CNP: variants seen among roughly 807,000 people sequenced by gnomAD.
The protein encoded by CNP is 2',3'-cyclic-nucleotide 3'-phosphodiesterase.
In CNP, 8 loss-of-function variants were observed where a neutral mutation model predicts 37.9. The ratio of observed to expected loss-of-function variants is 0.21; its 90% confidence interval spans 0.12 to 0.38. CNP has a LOEUF of 0.38. CNP is among the 10% of genes least tolerant of loss of function. The probability of loss-of-function intolerance (pLI) is 1.00; values close to 1 mark genes in which losing one functional copy is unlikely to be tolerated. For synonymous variants in CNP, 237 were observed against 238.3 expected (o/e 0.99, Z 0.05); for missense variants, 457 against 551.0 (o/e 0.83, Z 1.71).
chr17:41,969,291 T>A (rs1176823173), intron 2 of CNP, among the ~76,000 whole-genome samples: 1 of 152,180 alleles, frequency 6.6e-6, no homozygotes, highest in Non-Finnish European at 1.5e-5. Context: ...CATCTGCAGC[T>A]CCAGAGGACA....
In CNP at chr17:41,968,853, G is replaced by A; in HGVS notation, c.676+113G>A. 1 of 1,274,674 alleles carries A rather than the reference G, an allele frequency of 7.8e-7. No homozygotes were observed. The highest frequency in any genetic ancestry group is 1.1e-6 in the Non-Finnish European group (1 of 944,404). 79.0% of individuals were successfully genotyped at this position (1,274,674 alleles called of 1,614,324 possible). ...AGCACGAAGCAGCAGGAGGCAGAGA[G>A]AGGCTCACCTCAGCGGGGGCAGGGG... On this transcript the variant is annotated intron_variant, in intron 2 of 3. Coordinates refer to ENST00000393892, the MANE Select transcript of CNP (RefSeq NM_033133.5). This position sits in a 1 kb window ranked among gnomAD's most constrained non-coding sequence, Gnocchi z 4.8.
rs1005384414 is a variant in CNP at position 41,977,012 on chromosome 17, G to C, written c.*3088G>C. ...ACCTTTGCTCTTGCAGAGAAGCCTT[G>C]GTACTAGGCAGTTAGAGATGCCTCC... is the stretch of plus-strand genomic sequence containing the variant. On this transcript the variant is annotated 3_prime_UTR_variant, in exon 4 of 4. Coordinates refer to ENST00000393892, the MANE Select transcript of CNP (RefSeq NM_033133.5). 1 of 640,424 alleles carries C rather than the reference G, an allele frequency of 1.6e-6. No individual in the cohort carries two copies. The highest frequency in any genetic ancestry group is 3.0e-5 in the Admixed American group (1 of 33,860). The allele number at this position is 640,424 out of a possible 1,614,324, so 39.7% of individuals were successfully genotyped here. A position where few individuals can be genotyped will look rare whatever the true frequency, so the allele number is the denominator to read the frequency against.
At position 41,968,927 on chromosome 17, in the gene CNP, G is replaced by C. The variant is rs1406986730; in HGVS notation, c.676+187G>C. On this transcript the variant is annotated intron_variant, in intron 2 of 3. Coordinates refer to ENST00000393892, the MANE Select transcript of CNP (RefSeq NM_033133.5). This position sits in a 1 kb window ranked among gnomAD's most constrained non-coding sequence, Gnocchi z 4.8. ...CCTTGGGGAGTTGGCAGCACATTGGGAACACGGGGGCTTCCCAGAGCGCCT... is the reference window on the plus strand; with the variant it reads ...CCTTGGGGAGTTGGCAGCACATTGGCAACACGGGGGCTTCCCAGAGCGCCT... 2.6e-5 allele frequency among the ~76,000 whole-genome samples: 4 copies of C among 152,288 alleles called. 1 individual carries two copies. The South Asian group carries it at 8.3e-4, about 32-fold the overall frequency.
At chr17:41,969,620 ATC>A (rs1555643507) in intron 2 of CNP, among the ~76,000 whole-genome samples, 1 of 152,160 alleles carries the variant, frequency 6.6e-6, no homozygotes, top group South Asian at 2.1e-4. Flanking sequence ...CAGTGGCGCT[ATC>A]TCAGCTCAGT....
At chr17:41,967,004 A>G in intron 1 of CNP, 117 bp downstream of exon 1, 1 of 1,181,592 alleles carries the variant, frequency 8.5e-7, no homozygotes, top group East Asian at 3.2e-5. Flanking sequence ...TTCGACTTCC[A>G]GTTTTCTTGG....
At chr17:41,967,177 C>T (rs1381414347) in intron 1 of CNP, among the ~76,000 whole-genome samples, 15 of 151,058 alleles carry the variant, frequency 9.9e-5, no homozygotes, top group Admixed American at 9.8e-4. Flanking sequence ...AGCCCGGGAG[C>T]TGCTCCCGAC....
intron 1 of CNP, chr17:41,967,602 A>C: frequency 2.1e-5 from 20 of 957,902 alleles, no homozygotes; most frequent in Middle Eastern, 5.3e-4. Context: ...ATGCCAGACA[A>C]GAGAGTATTA....
intron 2 of CNP, among the ~76,000 whole-genome samples, chr17:41,969,250 CG>C (rs1330934973): frequency 2.6e-5 from 4 of 152,118 alleles, no homozygotes; most frequent in African/African-American, 9.7e-5. Context: ...TCTCAGGCCT[CG>C]GACTGCTCAA....
intron 2 of CNP, chr17:41,970,317 G>A (rs1301836025): frequency 6.6e-6 from 1 of 151,676 alleles, no homozygotes; most frequent in African/African-American, 2.4e-5. Flanking sequence ...ATCTTGACCA[G>A]GCTGGTCGGT....
At chr17:41,967,896 C>G in intron 1 of CNP, 172 bp from the exon 2 acceptor site, 1 of 1,434,676 alleles carries the variant, frequency 7.0e-7, no homozygotes, top group Non-Finnish European at 9.1e-7. Flanking sequence ...ACAAGCTTCC[C>G]TCTTCCTCCT....
chr17:41,968,478 C>G lies in CNP; in HGVS notation c.414C>G (p.Ala138=). Residue 138 remains alanine, a synonymous_variant, in exon 2 of 4, where the codon GCC becomes GCG. Coordinates refer to ENST00000393892, the MANE Select transcript of CNP (RefSeq NM_033133.5). This position sits in a 1 kb window ranked among gnomAD's most constrained non-coding sequence, Gnocchi z 4.8. The part of the protein sequence containing the change: ...RERLEQLFEM[A]DQYQYQVVLV... ...GGCTGGAGCAGCTCTTTGAAATGGC[C>G]GACCAGTACCAGTACCAGGTGGTGC... 1.2e-6 allele frequency: 2 copies of G among 1,614,108 alleles called. No homozygotes were observed. Among genetic ancestry groups the G allele is most frequent in the Non-Finnish European group, 1.7e-6 (2 of 1,180,042 alleles).
intron 2 of CNP, chr17:41,970,460 G>T (rs1203117253): frequency 3.4e-5 from 5 of 148,740 alleles, no homozygotes; most frequent in African/African-American, 5.0e-5. Flanking sequence ...AGTGCAGTGG[G>T]GCAATTCGGC....
In CNP at chr17:41,976,620, G is replaced by T; in HGVS notation, c.*2696G>T. 2 of 1,410,578 alleles carry T rather than the reference G, an allele frequency of 1.4e-6. No homozygotes were observed. Among genetic ancestry groups the T allele is most frequent in the Non-Finnish European group, 1.9e-6 (2 of 1,044,928 alleles). 87.4% of individuals were successfully genotyped at this position (1,410,578 alleles called of 1,614,324 possible). ...ACACAGGGCATCCAACTGAGAAAACGAAACTGCTCTAAGCACACGGAGACG... is the reference window on the plus strand; with the variant it reads ...ACACAGGGCATCCAACTGAGAAAACTAAACTGCTCTAAGCACACGGAGACG... On this transcript the variant is annotated 3_prime_UTR_variant, in exon 4 of 4. Coordinates refer to ENST00000393892, the MANE Select transcript of CNP (RefSeq NM_033133.5).
chr17:41,968,696 A>G lies in CNP; in HGVS notation c.632A>G (p.Glu211Gly). Residue 211 changes from glutamate (E) to glycine (G), a missense_variant, in exon 2 of 4, where the codon GAA becomes GGA. This residue lies in a region of CNP where 291 missense variants were observed against 291.7 expected (regional missense o/e 1.00). Transcript: ENST00000393892. This position sits in a 1 kb window ranked among gnomAD's most constrained non-coding sequence, Gnocchi z 4.8. ...CGCAAAGCCGGCCAGGTCTTCCTGG[A>G]AGAGCTGGGGAACCACAAGGCCTTC... ...TLRKAGQVFL[E>G]ELGNHKAFKK... 1 of 1,613,712 alleles carries G rather than the reference A, an allele frequency of 6.2e-7. No homozygotes were observed. Among genetic ancestry groups the G allele is most frequent in the Non-Finnish European group, 8.5e-7 (1 of 1,179,768 alleles).
chr17:41,968,112 C>A lies in CNP; in HGVS notation c.48C>A (p.Ile16=). The A allele has an allele frequency of 6.2e-7, 1 of 1,614,164 alleles. No homozygotes were observed. The highest frequency in any genetic ancestry group is 8.5e-7 in the Non-Finnish European group (1 of 1,179,976). ...SRKSHTFLPK[I]FFRKMSSSGA... is the part of the protein sequence containing the mutation. ...AAAGCCACACATTCCTGCCCAAGAT[C>A]TTCTTCCGCAAGATGTCATCCTCAG... The change falls in exon 2 of 4, where the codon ATC becomes ATA. Residue 16 remains isoleucine, a synonymous_variant. Transcript: ENST00000393892. This position sits in a 1 kb window ranked among gnomAD's most constrained non-coding sequence, Gnocchi z 4.8.
chr17:41,971,292 A>AAT (rs1309763514), intron 2 of CNP: 1 of 152,342 alleles, frequency 6.6e-6, no homozygotes, highest in Non-Finnish European at 1.5e-5. Context: ...GGTGCTAGTA[A>AAT]ATCTTAGATT....
chr17:41,966,864 A>G lies in CNP; in HGVS notation c.-21A>G. 1 of 1,362,658 alleles carries G rather than the reference A, an allele frequency of 7.3e-7. No homozygotes were observed. Among genetic ancestry groups the G allele is most frequent in the South Asian group, 1.7e-5 (1 of 58,688 alleles). The allele number at this position is 1,362,658 out of a possible 1,614,324, so 84.4% of individuals were successfully genotyped here. The stretch of plus-strand genomic sequence containing the variant: ...AGCGCTGGTGCCGGCAGAGGCGGCG[A>G]CGGTGGCGCCCCTCCTCATCATGGT... On this transcript the variant is annotated 5_prime_UTR_variant, in exon 1 of 4. Transcript: ENST00000393892.
chr17:41,974,104 C>A lies in CNP; in HGVS notation c.*180C>A. ...CCCTTCCTGTCCGCCCTCTTCCCCTCTAATGCTCACGCTCCCAACACAAGG... is the reference window on the plus strand; with the variant it reads ...CCCTTCCTGTCCGCCCTCTTCCCCTATAATGCTCACGCTCCCAACACAAGG... On this transcript the variant is annotated 3_prime_UTR_variant, in exon 4 of 4. Transcript: ENST00000393892. The A allele has an allele frequency of 2.0e-6, 1 of 509,224 alleles. No individual in the cohort carries two copies. The highest frequency in any genetic ancestry group is 3.2e-6 in the Non-Finnish European group (1 of 311,734). 31.5% of individuals were successfully genotyped at this position (509,224 alleles called of 1,614,324 possible).
intron 3 of CNP, 49 bp from the exon 4 acceptor site, chr17:41,973,426 C>T (rs1555644134): frequency 3.9e-6 from 6 of 1,558,388 alleles, no homozygotes; most frequent in Non-Finnish European, 5.2e-6. Context: ...AGCTGTTCCT[C>T]AAGAGCCTGC....
Sources: allele counts gnomAD v4.1 joint callset (sites outside exome capture counted in the v4.1 genomes callset), GRCh38; gene constraint gnomAD v4.1.1; regional missense constraint gnomAD v4.1.1; non-coding constraint Gnocchi (gnomAD v3.1); transcripts MANE v1.5; gene names NCBI Gene and HGNC (gene_info 2026-07-23, HGNC 2026-07-21).